TMEM200A: variants seen among roughly 807,000 people sequenced by gnomAD.
The protein encoded by TMEM200A is transmembrane protein 200A, also known as two transmembrane C.
TMEM200A carries 12 observed loss-of-function variants against 24.3 expected under a neutral mutation model. The observed-to-expected ratio is 0.49, with a 90% confidence interval of 0.32 to 0.80. TMEM200A has a LOEUF of 0.80. Among genes scored for constraint, TMEM200A ranks in the 30% least tolerant of loss-of-function variants. TMEM200A has a pLI of 0.04. For missense variants in TMEM200A, 545 were observed against 614.4 expected, an observed-to-expected ratio of 0.89 and a Z score of 1.19; for synonymous variants, 224 against 224.4, an observed-to-expected ratio of 1.00 and a Z score of 0.02.
chr6:130,389,061 G>T (rs1452659002), intron 2 of TMEM200A, among the ~76,000 whole-genome samples: 1 of 152,130 alleles, frequency 6.6e-6, no homozygotes, highest in African/African-American at 2.4e-5. Flanking sequence ...ATAAGTCAAA[G>T]ATATTGTCTT....
chr6:130,409,825 C>A (rs399555), intron 2 of TMEM200A, among the ~76,000 whole-genome samples: 1 of 150,276 alleles, frequency 6.7e-6, no homozygotes, highest in East Asian at 1.9e-4. Context: ...AAAGGCACTT[C>A]CTTTCTGTCT....
chr6:130,374,429 T>C (rs1778397445), intron 1 of TMEM200A, among the ~76,000 whole-genome samples: 1 of 150,404 alleles, frequency 6.6e-6, no homozygotes, highest in East Asian at 1.9e-4. Context: ...TTTTTTTTTT[T>C]TCAGACGGAG....
chr6:130,440,517 C>T lies in TMEM200A; in HGVS notation c.95C>T (p.Pro32Leu). 1 of 1,614,112 alleles carries T rather than the reference C, an allele frequency of 6.2e-7. No individual in the cohort carries two copies. The highest frequency in any genetic ancestry group is 8.5e-7 in the Non-Finnish European group (1 of 1,179,976). ...CAGCATGTCAACCTCAGCCCGTCTC[C>T]TGCTACCCAAGAGAAGAAGCCCATC... ...SQQHVNLSPS[P>L]ATQEKKPIRR... is the part of the protein sequence containing the mutation. Residue 32 changes from proline (P) to leucine (L), a missense_variant, in exon 3 of 3, where the codon CCT becomes CTT. By Grantham distance (98) the Pro-to-Leu change is moderately conservative. Transcript: ENST00000296978.
intron 2 of TMEM200A, among the ~76,000 whole-genome samples, chr6:130,404,505 T>C (rs1280101136): frequency 6.6e-6 from 1 of 152,158 alleles, no homozygotes; most frequent in Non-Finnish European, 1.5e-5. Context: ...TTATGTCCTT[T>C]GCACACTTTT....
At chr6:130,419,859 G>C (rs1360251379) in intron 2 of TMEM200A, among the ~76,000 whole-genome samples, 1 of 152,152 alleles carries the variant, frequency 6.6e-6, no homozygotes, top group Admixed American at 6.5e-5. Flanking sequence ...TAGCTCTGGA[G>C]GCTGGGAGAC....
At chr6:130,405,997 C>A (rs1583202841) in intron 2 of TMEM200A, among the ~76,000 whole-genome samples, 1 of 152,330 alleles carries the variant, frequency 6.6e-6, no homozygotes, top group South Asian at 2.1e-4. Flanking sequence ...CACCCTCTAT[C>A]ATTCCCTGGC....
chr6:130,439,237 G>A (rs1358260507), intron 2 of TMEM200A: 1 of 152,158 alleles, frequency 6.6e-6, no homozygotes, highest in Non-Finnish European at 1.5e-5. Context: ...GACCAGTTAG[G>A]GGGTTATCAT....
At chr6:130,394,716 A>G (rs1179149467) in intron 2 of TMEM200A, among the ~76,000 whole-genome samples, 2 of 152,226 alleles carry the variant, frequency 1.3e-5, no homozygotes, top group Admixed American at 6.5e-5. Flanking sequence ...CTGCGTTTAC[A>G]TTCTGGAGCT....
rs761177929 is a variant in TMEM200A at position 130,441,028 on chromosome 6, C to T, written c.606C>T (p.Ala202=). The T allele has an allele frequency of 1.2e-6, 2 of 1,613,870 alleles. No individual in the cohort carries two copies. The highest frequency in any genetic ancestry group is 2.2e-5 in the South Asian group (2 of 91,040). Reference sequence around the variant, plus strand: ...TAAAACAGAATGGGAGCTCCTGTGCCTCGAGATTGGCAGCAAATACGATCG... The same window carrying T: ...TAAAACAGAATGGGAGCTCCTGTGCTTCGAGATTGGCAGCAAATACGATCG... ...TEVKQNGSSC[A]SRLAANTIAS... The change falls in exon 3 of 3, where the codon GCC becomes GCT. Residue 202 remains alanine (A), a synonymous_variant. Transcript: ENST00000296978.
chr6:130,381,902 C>T, intron 1 of TMEM200A: 1 of 985,374 alleles, frequency 1.0e-6, no homozygotes, highest in South Asian at 4.7e-5. Context: ...ACCGACCTGT[C>T]TGCAGCTTCT....
chr6:130,414,060 T>TA, intron 2 of TMEM200A, among the ~76,000 whole-genome samples: 1 of 152,188 alleles, frequency 6.6e-6, no homozygotes, highest in East Asian at 1.9e-4. Flanking sequence ...CTTAATTTAC[T>TA]ATTAAGAAAA....
chr6:130,405,652 C>T (rs1443845841), intron 2 of TMEM200A, among the ~76,000 whole-genome samples: 5 of 152,274 alleles, frequency 3.3e-5, no homozygotes, highest in South Asian at 4.2e-4. Context: ...TGGAGAAAAT[C>T]GTGCAATTTA....
chr6:130,440,656 G>A lies in TMEM200A; in HGVS notation c.234G>A (p.Met78Ile), dbSNP rs1780139065. ...TCATCTCCATTATAGGAATTGCTAT[G>A]GCCGTTCTTGGATATTGGCCCCAAA... ...GVLISIIGIA[M>I]AVLGYWPQKE... Residue 78 changes from methionine (M) to isoleucine (I), a missense_variant, in exon 3 of 3, where the codon ATG becomes ATA. Physicochemically the swap from Met to Ile is conservative, Grantham distance 10. Coordinates refer to ENST00000296978, the MANE Select transcript of TMEM200A (RefSeq NM_001258277.2). 1.2e-6 allele frequency: 2 copies of A among 1,613,606 alleles called. No homozygotes were observed. The highest frequency in any genetic ancestry group is 8.5e-7 in the Non-Finnish European group (1 of 1,179,710).
At chr6:130,387,079 T>C (rs1431905680) in intron 2 of TMEM200A, among the ~76,000 whole-genome samples, 1 of 152,222 alleles carries the variant, frequency 6.6e-6, no homozygotes, top group Non-Finnish European at 1.5e-5. Flanking sequence ...TAAGATTCTT[T>C]CTAATTGTGC....
At chr6:130,403,369 A>G (rs1368204753) in intron 2 of TMEM200A, among the ~76,000 whole-genome samples, 15 of 152,120 alleles carry the variant, frequency 9.9e-5, no homozygotes, top group Non-Finnish European at 1.5e-5. Flanking sequence ...TACTGTAATA[A>G]TGAATTCTTC....
chr6:130,419,971 G>A (rs1241256181), intron 2 of TMEM200A, among the ~76,000 whole-genome samples: 1 of 152,248 alleles, frequency 6.6e-6, no homozygotes, highest in African/African-American at 2.4e-5. Flanking sequence ...ATGGTGGAAG[G>A]TAGAAAGGCA....
upstream of TMEM200A, chr6:130,365,962 C>G (rs868566284): frequency 4.1e-6 from 4 of 973,686 alleles, no homozygotes; most frequent in Middle Eastern, 5.3e-4. Context: ...CCCCGGCCCC[C>G]GCCCCCAACC....
At chr6:130,429,372 A>C (rs1181346369) in intron 2 of TMEM200A, among the ~76,000 whole-genome samples, 1 of 152,154 alleles carries the variant, frequency 6.6e-6, no homozygotes, top group Non-Finnish European at 1.5e-5. Context: ...AAATACAAAA[A>C]TTAGCCAGGC....
chr6:130,425,405 A>G (rs1779707642), intron 2 of TMEM200A, among the ~76,000 whole-genome samples: 1 of 152,206 alleles, frequency 6.6e-6, no homozygotes, highest in Admixed American at 6.5e-5. Context: ...TGGAAGAATT[A>G]AGAATGCTAT....
Sources: allele counts gnomAD v4.1 joint callset (sites outside exome capture counted in the v4.1 genomes callset), GRCh38; gene constraint gnomAD v4.1.1; transcripts MANE v1.5; gene names NCBI Gene and HGNC (gene_info 2026-07-23, HGNC 2026-07-21).